FSTL5: variants seen among roughly 807,000 people sequenced by gnomAD.
FSTL5 encodes follistatin like 5.
In FSTL5, 62 loss-of-function variants were observed where a neutral mutation model predicts 89.1. That is an observed-to-expected ratio of 0.70 (90% CI 0.57 to 0.86). The LOEUF is 0.86. Among genes scored for constraint, FSTL5 ranks in the 40% least tolerant of loss-of-function variants. The pLI, the probability that FSTL5 is intolerant of heterozygous loss-of-function variation, is 0.00. For synonymous variants in FSTL5, 383 were observed against 346.2 expected (o/e 1.11, Z -1.18); for missense variants, 1,057 against 1,001.6 (o/e 1.06, Z -0.75).
chr4:161,652,458 A>C (rs1736374636), intron 7 of FSTL5, among the ~76,000 whole-genome samples: 2 of 152,034 alleles, frequency 1.3e-5, no homozygotes, highest in South Asian at 4.2e-4. Context: ...GCAAACAAAA[A>C]TTCACCCATG....
intron 4 of FSTL5, among the ~76,000 whole-genome samples, chr4:161,806,421 G>A (rs1729968228): frequency 6.6e-6 from 1 of 152,092 alleles, no homozygotes; most frequent in Non-Finnish European, 1.5e-5. Context: ...AGAGGGATTG[G>A]AGGAAAAATG....
At chr4:161,540,878 C>T (rs570484831) in intron 9 of FSTL5, among the ~76,000 whole-genome samples, 19 of 152,170 alleles carry the variant, frequency 1.2e-4, no homozygotes, top group African/African-American at 4.3e-4. Context: ...TATGCATTTG[C>T]CATTGTTGAC....
At chr4:162,091,422 T>C (rs891431500) in intron 2 of FSTL5, among the ~76,000 whole-genome samples, 4 of 152,136 alleles carry the variant, frequency 2.6e-5, no homozygotes, top group African/African-American at 9.7e-5. Context: ...ACTAATATAT[T>C]CTCTCTTAGT....
chr4:161,409,170 T>G (rs1289336197), intron 15 of FSTL5, among the ~76,000 whole-genome samples: 2 of 152,148 alleles, frequency 1.3e-5, no homozygotes, highest in Admixed American at 1.3e-4. Flanking sequence ...AGAGAAAGGC[T>G]AGGAGACCTA....
chr4:161,611,477 T>C (rs1370391173), intron 7 of FSTL5, among the ~76,000 whole-genome samples: 1 of 151,882 alleles, frequency 6.6e-6, no homozygotes, highest in Non-Finnish European at 1.5e-5. Context: ...TAGCTAAAAT[T>C]TAGCAATGTG....
intron 10 of FSTL5, among the ~76,000 whole-genome samples, chr4:161,517,877 CTT>C (rs544949057): frequency 8.5e-5 from 13 of 152,248 alleles, no homozygotes; most frequent in African/African-American, 2.9e-4. Flanking sequence ...AAGAAACTGA[CTT>C]AACTTCAGCA....
chr4:162,145,907 A>G (rs1732955968), intron 1 of FSTL5, among the ~76,000 whole-genome samples: 1 of 152,166 alleles, frequency 6.6e-6, no homozygotes, highest in African/African-American at 2.4e-5. Flanking sequence ...TTTTTCTAAA[A>G]AAGTGATTTG....
At chr4:161,668,834 G>A (rs1222448910) in intron 6 of FSTL5, among the ~76,000 whole-genome samples, 2 of 152,078 alleles carry the variant, frequency 1.3e-5, no homozygotes, top group East Asian at 3.9e-4. Flanking sequence ...TAAAGAGGCT[G>A]GGCGCGGTGG....
intron 2 of FSTL5, among the ~76,000 whole-genome samples, chr4:162,094,403 T>C (rs148638386): frequency 0.013 from 1,907 of 152,166 alleles, 28 homozygotes; most frequent in African/African-American, 0.034. Flanking sequence ...GAAATGAGTA[T>C]ATAATACCCA....
chr4:161,747,926 T>C (rs1433580147), intron 6 of FSTL5, among the ~76,000 whole-genome samples: 1 of 152,208 alleles, frequency 6.6e-6, no homozygotes, highest in East Asian at 1.9e-4. Context: ...TTTTTATCAT[T>C]AAAAAATTAT....
chr4:161,683,583 T>C (rs1236438452), intron 6 of FSTL5, among the ~76,000 whole-genome samples: 1 of 152,126 alleles, frequency 6.6e-6, no homozygotes, highest in East Asian at 1.9e-4. Flanking sequence ...GAAAAGTCCA[T>C]AATCCTCTAC....
chr4:162,022,166 A>G (rs1737113692), intron 3 of FSTL5, among the ~76,000 whole-genome samples: 1 of 152,072 alleles, frequency 6.6e-6, no homozygotes, highest in South Asian at 2.1e-4. Flanking sequence ...TGGCTACACC[A>G]AAAGCCTAGA....
chr4:161,662,776 A>G (rs1736762089), intron 6 of FSTL5, among the ~76,000 whole-genome samples: 1 of 152,190 alleles, frequency 6.6e-6, no homozygotes, highest in South Asian at 2.1e-4. Flanking sequence ...AAGCAAAGCG[A>G]ACAAAAAACT....
chr4:161,996,637 T>C (rs1736304501), intron 3 of FSTL5, among the ~76,000 whole-genome samples: 1 of 152,254 alleles, frequency 6.6e-6, no homozygotes, highest in African/African-American at 2.4e-5. Context: ...TACAGCCTAA[T>C]ACTTTTCCTG....
At chr4:161,919,227 C>G (rs1389815047) in intron 4 of FSTL5, among the ~76,000 whole-genome samples, 1 of 151,998 alleles carries the variant, frequency 6.6e-6, no homozygotes, top group Non-Finnish European at 1.5e-5. Flanking sequence ...ATCTGTTATC[C>G]TTTTGGTAAA....
intron 6 of FSTL5, among the ~76,000 whole-genome samples, chr4:161,697,318 G>T (rs1738204272): frequency 6.6e-6 from 1 of 152,210 alleles, no homozygotes; most frequent in African/African-American, 2.4e-5. Flanking sequence ...GGAGCTGTGA[G>T]ATAGATGATT....
At chr4:161,442,245 T>G (rs1732799038) in intron 15 of FSTL5, among the ~76,000 whole-genome samples, 1 of 151,874 alleles carries the variant, frequency 6.6e-6, no homozygotes, top group African/African-American at 2.4e-5. Flanking sequence ...CTTTAAAGAT[T>G]TCATTGTGCC....
At chr4:161,626,563 A>G in intron 7 of FSTL5, among the ~76,000 whole-genome samples, 1 of 152,222 alleles carries the variant, frequency 6.6e-6, no homozygotes. Flanking sequence ...GGAGATGTGC[A>G]AGGATATGAA....
intron 5 of FSTL5, among the ~76,000 whole-genome samples, chr4:161,760,382 G>T (rs982427430): frequency 4.6e-5 from 7 of 152,146 alleles, no homozygotes; most frequent in African/African-American, 1.2e-4. Flanking sequence ...GCTTGAAGCT[G>T]TGCATCACAG....
Sources: allele counts gnomAD v4.1 joint callset (sites outside exome capture counted in the v4.1 genomes callset), GRCh38; gene constraint gnomAD v4.1.1; transcripts MANE v1.5; gene names NCBI Gene and HGNC (gene_info 2026-07-23, HGNC 2026-07-21).